The following TMEFF2 variants were observed in gnomAD, a reference collection of about 807,000 sequenced individuals.
TMEFF2 encodes the protein transmembrane protein with EGF like and two follistatin like domains 2.
TMEFF2 carries 28 observed loss-of-function variants against 53.8 expected under a neutral mutation model. That is an observed-to-expected ratio of 0.52 (90% CI 0.39 to 0.71). TMEFF2 has a LOEUF of 0.71. Among genes scored for constraint, TMEFF2 ranks in the 30% least tolerant of loss-of-function variants. The pLI is 0.00. For synonymous variants in TMEFF2, 162 were observed against 166.3 expected (o/e 0.97, Z 0.20); for missense variants, 353 against 455.2 (o/e 0.78, Z 2.04).
chr2:192,140,975 C>T (rs1243310802), intron 4 of TMEFF2, among the ~76,000 whole-genome samples: 1 of 152,018 alleles, frequency 6.6e-6, no homozygotes, highest in African/African-American at 2.4e-5. Context: ...GCATTTTACC[C>T]CTTTCTGGGT....
At chr2:192,150,860 T>C (rs917520598) in intron 4 of TMEFF2, among the ~76,000 whole-genome samples, 3 of 151,838 alleles carry the variant, frequency 2.0e-5, no homozygotes, top group East Asian at 1.9e-4. Context: ...TGGTTGGAGA[T>C]GAGGTGGGTC....
chr2:192,010,819 G>A (rs770069140), intron 5 of TMEFF2, among the ~76,000 whole-genome samples: 5 of 152,186 alleles, frequency 3.3e-5, no homozygotes, highest in Non-Finnish European at 5.9e-5. Context: ...AAGCTTTCAC[G>A]GAGGATGTGA....
chr2:192,183,236 C>T (rs1422897266), intron 3 of TMEFF2, among the ~76,000 whole-genome samples: 1 of 152,010 alleles, frequency 6.6e-6, no homozygotes, highest in Non-Finnish European at 1.5e-5. Context: ...TTCTCAGAAA[C>T]TTGGGTAGTC....
intron 4 of TMEFF2, among the ~76,000 whole-genome samples, chr2:192,074,371 A>C (rs1462160582): frequency 6.6e-6 from 1 of 151,918 alleles, no homozygotes; most frequent in Non-Finnish European, 1.5e-5. Flanking sequence ...AATTTCTAGG[A>C]GGAATCTTAT....
At chr2:192,031,349 A>G (rs1386259208) in intron 5 of TMEFF2, 1 of 152,210 alleles carries the variant, frequency 6.6e-6, no homozygotes, top group East Asian at 1.9e-4. Context: ...GCCTGGGACA[A>G]TGCCTGACAC....
At chr2:192,164,957 A>G (rs1021516621) in intron 4 of TMEFF2, among the ~76,000 whole-genome samples, 1 of 151,028 alleles carries the variant, frequency 6.6e-6, no homozygotes, top group Non-Finnish European at 1.5e-5. Context: ...ATACTAGCAG[A>G]ATGAATACTC....
chr2:192,003,328 C>T (rs1299766385), intron 5 of TMEFF2, among the ~76,000 whole-genome samples: 1 of 152,250 alleles, frequency 6.6e-6, no homozygotes, highest in East Asian at 1.9e-4. Context: ...CAGAGCCTGC[C>T]CTGTTCTACA....
At position 192,194,601 on chromosome 2, in the gene TMEFF2, T is replaced by C. The variant is rs1457847157; in HGVS notation, c.-77A>G. 1.0e-5 allele frequency: 16 copies of C among 1,533,780 alleles called. No individual in the cohort carries two copies. Among genetic ancestry groups the C allele is most frequent in the Non-Finnish European group, 1.4e-5 (16 of 1,128,552 alleles). ...TCGCGGGGGCCGGGCAGCGGGCTACTGAGCATCCCGCGGACGGCGGCAGCA... is the reference window on the plus strand; with the variant it reads ...TCGCGGGGGCCGGGCAGCGGGCTACCGAGCATCCCGCGGACGGCGGCAGCA... On this transcript the variant is annotated 5_prime_UTR_variant, in exon 1 of 10. Coordinates refer to ENST00000272771, the MANE Select transcript of TMEFF2 (RefSeq NM_016192.4). The surrounding 1 kb of genome is among the most constrained non-coding windows in gnomAD (Gnocchi z 4.2).
intron 4 of TMEFF2, among the ~76,000 whole-genome samples, chr2:192,146,237 C>T (rs181404696): frequency 2.8e-4 from 42 of 152,042 alleles, no homozygotes; most frequent in Admixed American, 9.2e-4. Context: ...AGAACATAGG[C>T]TACTGGCCAA....
intron 4 of TMEFF2, among the ~76,000 whole-genome samples, chr2:192,112,550 T>C (rs1161640055): frequency 1.3e-5 from 2 of 152,188 alleles, no homozygotes; most frequent in Non-Finnish European, 2.9e-5. Context: ...TTGTCTCCGA[T>C]GAGACTTTGG....
Position 192,099,889 on chromosome 2 carries a change from T to C in TMEFF2, c.440-42114A>G, listed in dbSNP as rs147340243. Among the ~76,000 whole-genome samples the C allele has an allele frequency of 3.3e-5, 5 of 152,254 alleles. No individual in the cohort carries two copies. In the East Asian group the frequency reaches 9.6e-4, roughly 29 times the overall value. ...CAGTGGAAAAAATATAGACAGCTTT[T>C]GGTTTTTCAAACTGTTTTTATATGT... On this transcript the variant is annotated intron_variant, in intron 4 of 9. Coordinates refer to ENST00000272771, the MANE Select transcript of TMEFF2 (RefSeq NM_016192.4).
intron 7 of TMEFF2, among the ~76,000 whole-genome samples, chr2:191,966,341 C>T (rs1344031933): frequency 6.6e-6 from 1 of 152,142 alleles, no homozygotes; most frequent in East Asian, 1.9e-4. Context: ...GAGAAATGAA[C>T]AGATCATCGA....
At chr2:192,029,837 T>TTCTAA (rs1687083667) in intron 5 of TMEFF2, among the ~76,000 whole-genome samples, 1 of 152,210 alleles carries the variant, frequency 6.6e-6, no homozygotes, top group African/African-American at 2.4e-5. Flanking sequence ...TTTCTAAAAA[T>TTCTAA]AAATTCAGTG....
At chr2:192,126,739 G>A (rs1367353525) in intron 4 of TMEFF2, among the ~76,000 whole-genome samples, 4 of 152,200 alleles carry the variant, frequency 2.6e-5, no homozygotes, top group African/African-American at 4.8e-5. Context: ...GGCTCAGAGA[G>A]ACAGGGTAAA....
intron 4 of TMEFF2, among the ~76,000 whole-genome samples, chr2:192,169,476 T>C (rs1690854504): frequency 6.6e-6 from 1 of 152,096 alleles, no homozygotes; most frequent in African/African-American, 2.4e-5. Context: ...GTTCTGGTGG[T>C]CTTTGTATCT....
intron 4 of TMEFF2, among the ~76,000 whole-genome samples, chr2:192,154,386 G>A (rs1250477885): frequency 1.3e-5 from 2 of 151,958 alleles, no homozygotes; most frequent in Non-Finnish European, 2.9e-5. Flanking sequence ...ATGATAACAT[G>A]TATACTTTCT....
intron 4 of TMEFF2, among the ~76,000 whole-genome samples, chr2:192,092,630 A>C (rs1402235452): frequency 6.6e-6 from 1 of 152,150 alleles, no homozygotes; most frequent in Non-Finnish European, 1.5e-5. Context: ...TGGCAAAAGC[A>C]TTCTTGCTGA....
In TMEFF2 at chr2:192,180,329, G is replaced by T. The variant is rs147151450; in HGVS notation, c.413-635C>A. 3.4e-3 allele frequency among the ~76,000 whole-genome samples: 513 copies of T among 151,392 alleles called. 2 individuals are homozygous for T. Among genetic ancestry groups the T allele is most frequent in the African/African-American group, 0.012 (498 of 41,426 alleles). ...AGAAAAAATCATACTTCCTCTTCTG[G>T]ATTTTTCTTTCACCACTTCTTCTCT... On this transcript the variant is annotated intron_variant, in intron 3 of 9. Coordinates refer to ENST00000272771, the MANE Select transcript of TMEFF2 (RefSeq NM_016192.4).
intron 7 of TMEFF2, among the ~76,000 whole-genome samples, chr2:191,967,946 CTT>C (rs1692516830): frequency 6.6e-6 from 1 of 152,170 alleles, no homozygotes; most frequent in Admixed American, 6.6e-5. Flanking sequence ...TTTAGAATGT[CTT>C]TGTCTCTTTT....
Sources: allele counts gnomAD v4.1 joint callset (sites outside exome capture counted in the v4.1 genomes callset), GRCh38; gene constraint gnomAD v4.1.1; non-coding constraint Gnocchi (gnomAD v3.1); transcripts MANE v1.5; gene names NCBI Gene and HGNC (gene_info 2026-07-23, HGNC 2026-07-21).